The following SLC44A5 variants were observed in gnomAD, a reference collection of about 807,000 sequenced individuals.
The protein encoded by SLC44A5 is choline transporter-like protein 5.
A neutral mutation model predicts 101.8 loss-of-function variants in SLC44A5; 57 were observed. The observed-to-expected ratio is 0.56, with a 90% CI of 0.45 to 0.70. The LOEUF (loss-of-function observed/expected upper bound fraction) is 0.70. Ranked by LOEUF, SLC44A5 falls within the 30% of genes least tolerant of loss-of-function variation. The pLI, the probability that SLC44A5 is intolerant of heterozygous loss-of-function variation, is 0.00. For synonymous variants in SLC44A5, 281 were observed against 290.9 expected (o/e 0.97, Z 0.35); for missense variants, 737 against 853.1 (o/e 0.86, Z 1.70).
the SLC44A5 span, among the ~76,000 whole-genome samples, chr1:75,665,344 G>T: frequency 6.6e-6 from 1 of 152,044 alleles, no homozygotes; most frequent in Non-Finnish European, 1.5e-5. Context: ...ACAAAAATAA[G>T]CAGTAGGGAA....
At chr1:75,527,886 C>T (rs1340239246) in intron 2 of SLC44A5, among the ~76,000 whole-genome samples, 1 of 152,124 alleles carries the variant, frequency 6.6e-6, no homozygotes, top group African/African-American at 2.4e-5. Context: ...ATGTTTTTGT[C>T]ATTTTCCCCC....
At chr1:75,557,792 TA>T (rs1672303072) in intron 1 of SLC44A5, among the ~76,000 whole-genome samples, 1 of 152,130 alleles carries the variant, frequency 6.6e-6, no homozygotes, top group South Asian at 2.1e-4. Context: ...AATGATCCAA[TA>T]GATAGAAAAA....
At chr1:75,581,888 C>T (rs1275089778) in intron 1 of SLC44A5, among the ~76,000 whole-genome samples, 1 of 152,200 alleles carries the variant, frequency 6.6e-6, no homozygotes, top group African/African-American at 2.4e-5. Context: ...TGACTGGAGG[C>T]AGTCTGAGTC....
chr1:75,438,486 C>G (rs1665011950), intron 2 of SLC44A5, among the ~76,000 whole-genome samples: 1 of 152,162 alleles, frequency 6.6e-6, no homozygotes, highest in Non-Finnish European at 1.5e-5. Flanking sequence ...TAGAACAAAT[C>G]CAGGAGCTGA....
chr1:75,688,921 C>T, the SLC44A5 span, among the ~76,000 whole-genome samples: 1 of 152,146 alleles, frequency 6.6e-6, no homozygotes, highest in African/African-American at 2.4e-5. Flanking sequence ...ATTAATGAGG[C>T]TGTAATTCCC....
intron 5 of SLC44A5, among the ~76,000 whole-genome samples, chr1:75,295,221 T>C (rs531380670): frequency 2.1e-4 from 32 of 152,174 alleles, no homozygotes; most frequent in Non-Finnish European, 3.8e-4. Flanking sequence ...AAAATGTATA[T>C]TTATGTGTTT....
chr1:75,333,189 T>G (rs186653214), intron 4 of SLC44A5, among the ~76,000 whole-genome samples: 2 of 152,294 alleles, frequency 1.3e-5, no homozygotes, highest in Admixed American at 1.3e-4. Context: ...TTGAAAACTT[T>G]TTTATAAAGT....
Position 75,213,974 on chromosome 1 carries a change from AT to A in SLC44A5, c.1817del (p.Asp606ValfsTer14). 1.3e-6 allele frequency: 2 copies of A among 1,591,110 alleles called. No homozygotes were observed. The highest frequency in any genetic ancestry group is 1.7e-6 in the Non-Finnish European group (2 of 1,164,356). On this transcript the variant is annotated frameshift_variant, in exon 21 of 24. Coordinates refer to ENST00000370859, the MANE Select transcript of SLC44A5 (RefSeq NM_001130058.2). LOFTEE classifies it high-confidence loss of function. ...MRNVLKVAVT[D>X]EVTYFVLFLG... The stretch of plus-strand genomic sequence containing the variant: ...GGAATAATACAAAGTATGTAACTTC[AT>A]CTGTAACTGCAACTCTGAGTATCAG...
At position 75,242,071 on chromosome 1, in the gene SLC44A5, A is replaced by G; in HGVS notation, c.472-10T>C. 1 of 1,609,780 alleles carries G rather than the reference A, an allele frequency of 6.2e-7. No individual in the cohort carries two copies. The highest frequency in any genetic ancestry group is 8.5e-7 in the Non-Finnish European group (1 of 1,176,874). On this transcript the variant is annotated splice_polypyrimidine_tract_variant and intron_variant, in intron 8 of 23. Coordinates refer to ENST00000370859, the MANE Select transcript of SLC44A5 (RefSeq NM_001130058.2). ...AAAGCTGTGTGAGAGACTAAAATAGAAGGAAGAACGTTAACATTTCAAAGG... is the reference window on the plus strand; with the variant it reads ...AAAGCTGTGTGAGAGACTAAAATAGGAGGAAGAACGTTAACATTTCAAAGG...
At chr1:75,306,169 T>C (rs1557644855) in intron 4 of SLC44A5, among the ~76,000 whole-genome samples, 4 of 152,240 alleles carry the variant, frequency 2.6e-5, no homozygotes, top group Admixed American at 6.5e-5. Flanking sequence ...GGCTACTTTC[T>C]TTTGCTACAA....
intron 2 of SLC44A5, among the ~76,000 whole-genome samples, chr1:75,423,694 A>C (rs1020706045): frequency 1.3e-5 from 2 of 152,230 alleles, no homozygotes; most frequent in Admixed American, 1.3e-4. Flanking sequence ...CCCTGCTCCC[A>C]GGACGCACTT....
chr1:75,279,469 A>G (rs1332059503), intron 5 of SLC44A5, among the ~76,000 whole-genome samples: 1 of 152,162 alleles, frequency 6.6e-6, no homozygotes, highest in Non-Finnish European at 1.5e-5. Flanking sequence ...TTCATGAAGA[A>G]CCTGGACCCA....
At chr1:75,640,900 T>A in the SLC44A5 span, among the ~76,000 whole-genome samples, 1 of 152,200 alleles carries the variant, frequency 6.6e-6, no homozygotes, top group African/African-American at 2.4e-5. Flanking sequence ...TATTCTTTCC[T>A]CTTGGAAAAT....
chr1:75,509,096 G>A (rs914959988), intron 2 of SLC44A5, among the ~76,000 whole-genome samples: 4 of 152,220 alleles, frequency 2.6e-5, no homozygotes, highest in Non-Finnish European at 4.4e-5. Flanking sequence ...TTCAGAAGCA[G>A]TTGATTTTTC....
rs1195158761 is a variant in SLC44A5, at chr1:75,213,751, A to G, written c.1916T>C (p.Ile639Thr). The change falls in exon 22 of 24, where the codon ATT becomes ACT. Residue 639 changes from isoleucine (I) to threonine (T), a missense_variant. Ile to Thr is a moderately conservative substitution (Grantham distance 89, BLOSUM62 -1). Coordinates refer to ENST00000370859, the MANE Select transcript of SLC44A5 (RefSeq NM_001130058.2). ...FLFFTQRLPV[I>T]AQGPASLNYY... ...ATTTAAAGATGCTGGTCCTTGTGCA[A>G]TCACTGGCAGTCTTTGTGTGAAGAA... 19 of 1,613,116 alleles carry G rather than the reference A, an allele frequency of 1.2e-5. No homozygotes were observed. Among genetic ancestry groups the G allele is most frequent in the Non-Finnish European group, 1.6e-5 (19 of 1,179,370 alleles).
intron 23 of SLC44A5, 127 bp downstream of exon 23, chr1:75,211,341 G>T: frequency 1.6e-6 from 1 of 628,668 alleles, no homozygotes; most frequent in Non-Finnish European, 2.8e-6. Context: ...TCTCTTTCCA[G>T]ATAAACACGT....
At chr1:75,334,012 G>A (rs1218079671) in intron 4 of SLC44A5, among the ~76,000 whole-genome samples, 1 of 152,134 alleles carries the variant, frequency 6.6e-6, no homozygotes. Flanking sequence ...TTGCATGGCT[G>A]GCTCCCTCTT....
At chr1:75,668,822 C>G in the SLC44A5 span, among the ~76,000 whole-genome samples, 1 of 151,182 alleles carries the variant, frequency 6.6e-6, no homozygotes, top group Non-Finnish European at 1.5e-5. Context: ...TGGCAAAACC[C>G]CATCTCTATT....
At chr1:75,230,379 C>G (rs913506732) in intron 12 of SLC44A5, among the ~76,000 whole-genome samples, 1 of 151,920 alleles carries the variant, frequency 6.6e-6, no homozygotes, top group Non-Finnish European at 1.5e-5. Context: ...TCCCGAGTAG[C>G]TGGGACTACA....
Sources: gnomAD v4.1 joint callset for allele counts (sites outside exome capture counted in the v4.1 genomes callset) on GRCh38, gnomAD v4.1.1 for gene constraint, MANE v1.5 for transcripts, NCBI Gene and HGNC (gene_info 2026-07-23, HGNC 2026-07-21) for gene names.